The following VPS13B variants were observed in gnomAD, a reference collection of about 807,000 sequenced individuals.
VPS13B encodes the protein vacuolar protein sorting 13 homolog B.
VPS13B carries 285 observed loss-of-function variants against 426.4 expected under a neutral mutation model. The observed-to-expected ratio is 0.67, with a 90% CI of 0.61 to 0.74. The LOEUF (loss-of-function observed/expected upper bound fraction) is 0.74, where lower values mean the gene tolerates loss of function less well. VPS13B is among the 30% of genes least tolerant of loss of function. The pLI is 0.00. For synonymous variants in VPS13B, 1,676 were observed against 1,676.4 expected, an observed-to-expected ratio of 1.00 and a Z score of 0.01; for missense variants, 4,537 against 4,782.6, an observed-to-expected ratio of 0.95 and a Z score of 1.51.
chr8:99,268,350 A>C (rs1481559999), intron 17 of VPS13B, among the ~76,000 whole-genome samples: 1 of 152,198 alleles, frequency 6.6e-6, no homozygotes, highest in Admixed American at 6.5e-5. Flanking sequence ...ATCTTGCACC[A>C]TGTGGCCGGA....
intron 7 of VPS13B, among the ~76,000 whole-genome samples, chr8:99,117,253 C>T (rs935795881): frequency 6.6e-6 from 1 of 152,032 alleles, no homozygotes; most frequent in African/African-American, 2.4e-5. Context: ...GATACCACTT[C>T]ACAGGTACTA....
intron 19 of VPS13B, among the ~76,000 whole-genome samples, chr8:99,360,727 A>G (rs764359223): frequency 3.3e-5 from 5 of 152,198 alleles, no homozygotes; most frequent in Non-Finnish European, 7.3e-5. Context: ...AAGGTGGTGT[A>G]GCTAGTCTGT....
At chr8:99,421,723 G>A (rs1007571584) in intron 21 of VPS13B, among the ~76,000 whole-genome samples, 3 of 151,996 alleles carry the variant, frequency 2.0e-5, no homozygotes, top group Non-Finnish European at 4.4e-5. Context: ...CATCACCCAG[G>A]CTGGAGTGCC....
chr8:99,060,152 A>G (rs757810409), intron 3 of VPS13B, among the ~76,000 whole-genome samples: 3 of 152,186 alleles, frequency 2.0e-5, no homozygotes, highest in Non-Finnish European at 4.4e-5. Context: ...CAGTGTAGGT[A>G]AATTTTTTTC....
chr8:99,563,666 G>A (rs1026527722), intron 31 of VPS13B, among the ~76,000 whole-genome samples: 1 of 152,208 alleles, frequency 6.6e-6, no homozygotes, highest in Non-Finnish European at 1.5e-5. Context: ...GAAGGAAGCA[G>A]TAGATCCAGA....
intron 23 of VPS13B, among the ~76,000 whole-genome samples, chr8:99,459,914 A>G (rs969749911): frequency 1.3e-5 from 2 of 152,110 alleles, no homozygotes; most frequent in Admixed American, 1.3e-4. Flanking sequence ...TATTAATTAT[A>G]GCTACTTCAG....
chr8:99,612,616 A>G (rs1189478229), intron 33 of VPS13B, among the ~76,000 whole-genome samples: 1 of 152,198 alleles, frequency 6.6e-6, no homozygotes, highest in Non-Finnish European at 1.5e-5. Flanking sequence ...TCAGCCTGCT[A>G]CTGAAGCCTC....
At chr8:99,865,007 T>C (rs1210324969) in intron 58 of VPS13B, among the ~76,000 whole-genome samples, 1 of 152,150 alleles carries the variant, frequency 6.6e-6, no homozygotes, top group Non-Finnish European at 1.5e-5. Flanking sequence ...TATGGAGCAT[T>C]ATGAGGCCCT....
At chr8:99,366,268 G>A (rs552697743) in intron 19 of VPS13B, among the ~76,000 whole-genome samples, 1 of 152,038 alleles carries the variant, frequency 6.6e-6, no homozygotes, top group East Asian at 1.9e-4. Context: ...ATATCTGGAT[G>A]CTCCAGTGTT....
At chr8:99,598,960 C>CCATTTCTAAA (rs1827154009) in intron 33 of VPS13B, among the ~76,000 whole-genome samples, 1 of 147,256 alleles carries the variant, frequency 6.8e-6, no homozygotes, top group African/African-American at 2.5e-5. Flanking sequence ...ACTTAGTTCA[C>CCATTTCTAAA]CATTTCTAAA....
intron 36 of VPS13B, among the ~76,000 whole-genome samples, chr8:99,707,774 T>C (rs959503656): frequency 3.3e-5 from 5 of 152,148 alleles, no homozygotes; most frequent in Admixed American, 6.6e-5. Flanking sequence ...AACTCCCTCA[T>C]TGAGTACAGA....
intron 32 of VPS13B, among the ~76,000 whole-genome samples, chr8:99,576,850 AG>A (rs1439172597): frequency 6.6e-6 from 1 of 152,198 alleles, no homozygotes; most frequent in African/African-American, 2.4e-5. Context: ...CCAAGATTTT[AG>A]CAGTTTAAAG....
chr8:99,303,529 C>A (rs1168032650), intron 19 of VPS13B, among the ~76,000 whole-genome samples: 1 of 150,612 alleles, frequency 6.6e-6, no homozygotes, highest in Non-Finnish European at 1.5e-5. Flanking sequence ...CCAGTAGTAA[C>A]AAGATTTTGA....
At chr8:99,362,758 A>G (rs1283307246) in intron 19 of VPS13B, among the ~76,000 whole-genome samples, 1 of 152,166 alleles carries the variant, frequency 6.6e-6, no homozygotes, top group Non-Finnish European at 1.5e-5. Flanking sequence ...GCTATTGTGA[A>G]CAGTGCTGCA....
intron 15 of VPS13B, among the ~76,000 whole-genome samples, chr8:99,166,857 C>G (rs961079683): frequency 2.0e-5 from 3 of 152,112 alleles, no homozygotes; most frequent in Admixed American, 1.3e-4. Flanking sequence ...CTGTTGTAAA[C>G]ACAGACATAT....
At chr8:99,083,489 C>G (rs1322034276) in intron 3 of VPS13B, among the ~76,000 whole-genome samples, 1 of 151,032 alleles carries the variant, frequency 6.6e-6, no homozygotes, top group African/African-American at 2.4e-5. Context: ...ACTTCCAACA[C>G]TATGTTGAAT....
chr8:99,067,066 A>G (rs1490248171), intron 3 of VPS13B, among the ~76,000 whole-genome samples: 2 of 152,186 alleles, frequency 1.3e-5, no homozygotes, highest in South Asian at 2.1e-4. Flanking sequence ...TAGTTCAACC[A>G]TTGTGGAAGA....
Position 99,134,937 on chromosome 8 carries a change from TAG to T in VPS13B, c.1303-74_1303-73del, listed in dbSNP as rs1489641987. On this transcript the variant is annotated intron_variant, in intron 9 of 61. Coordinates refer to ENST00000357162, the MANE Select transcript of VPS13B (RefSeq NM_152564.5). The stretch of plus-strand genomic sequence containing the variant: ...TAATTCTAAAGATGTTTAACTAATT[TAG>T]AGATTCTACAAGGAAAGCCTCTAAC... The T allele has an allele frequency of 7.1e-6, 11 of 1,551,186 alleles. No individual in the cohort carries two copies. The African/African-American group carries it at 1.4e-4, about 19-fold the overall frequency.
At chr8:99,133,380 A>C (rs1016679103) in intron 8 of VPS13B, among the ~76,000 whole-genome samples, 12 of 152,204 alleles carry the variant, frequency 7.9e-5, no homozygotes, top group Admixed American at 4.6e-4. Context: ...TGTTGTGGCT[A>C]GTTCGATTGT....
Sources: gnomAD v4.1 joint callset for allele counts (sites outside exome capture counted in the v4.1 genomes callset) on GRCh38, gnomAD v4.1.1 for gene constraint, MANE v1.5 for transcripts, NCBI Gene and HGNC (gene_info 2026-07-23, HGNC 2026-07-21) for gene names.